SPDYE1: variants seen among roughly 807,000 people sequenced by gnomAD.
SPDYE1 encodes the protein speedy protein E1.
Under a neutral mutation model 45.9 loss-of-function variants are expected in SPDYE1, and 29 were observed. The observed-to-expected ratio is 0.63, with a 90% CI of 0.47 to 0.86. The LOEUF (loss-of-function observed/expected upper bound fraction) is 0.86. SPDYE1 is among the 40% of genes least tolerant of loss of function. The pLI is 0.00. For synonymous variants in SPDYE1, 134 were observed against 176.8 expected, an observed-to-expected ratio of 0.76 and a Z score of 1.92; for missense variants, 346 against 481.4, an observed-to-expected ratio of 0.72 and a Z score of 2.63.
At chr7:44,000,544 A>C (rs1404323550) in intron 2 of SPDYE1, among the ~76,000 whole-genome samples, 25 of 141,808 alleles carry the variant, frequency 1.8e-4, no homozygotes, top group South Asian at 4.6e-4. Flanking sequence ...GTAACCCCAG[A>C]ACTTTGGGAG....
intron 1 of SPDYE1, among the ~76,000 whole-genome samples, chr7:43,998,333 A>T (rs896791566): frequency 9.6e-4 from 146 of 151,454 alleles, no homozygotes; most frequent in Non-Finnish European, 1.5e-3. Context: ...ATTTTTTTTG[A>T]GATGGAGTTT....
At chr7:43,998,494 T>C (rs1206561875) in intron 1 of SPDYE1, among the ~76,000 whole-genome samples, 1 of 149,176 alleles carries the variant, frequency 6.7e-6, no homozygotes, top group Admixed American at 6.8e-5. Context: ...TTTGTATTTT[T>C]AGTAGAGATG....
In SPDYE1 at chr7:44,008,992, C is replaced by T. The variant is rs866652533; in HGVS notation, c.*371C>T. 6.3e-4 allele frequency: 262 copies of T among 414,798 alleles called. No individual in the cohort carries two copies. Among genetic ancestry groups the T allele is most frequent in the African/African-American group, 5.0e-3 (241 of 48,108 alleles). 25.7% of individuals were successfully genotyped at this position (414,798 alleles called of 1,614,324 possible). A position where few individuals can be genotyped will look rare whatever the true frequency, so the allele number is the denominator to read the frequency against. On this transcript the variant is annotated 3_prime_UTR_variant, in exon 9 of 9. Coordinates refer to ENST00000693451, the MANE Select transcript of SPDYE1 (RefSeq NM_001378423.2). ...CGGAACCTGGAGGTCCTGTTTCTTA[C>T]GGACTTGGTTGCCACAGTCCAGGAG...
intron 6 of SPDYE1, among the ~76,000 whole-genome samples, chr7:44,005,977 C>A (rs62458721): frequency 0.1 from 15,559 of 152,036 alleles, 1,002 homozygotes; most frequent in Admixed American, 0.17. Context: ...GGAGTCTCTC[C>A]CCAAGCCAGG....
rs546989425 is a variant in SPDYE1, at chr7:44,007,563, G to A, written c.1048G>A (p.Val350Ile). The change falls in exon 7 of 9, where the codon GTT (valine) becomes ATT (isoleucine). Residue 350 changes from valine to isoleucine, a missense_variant. Transcript: ENST00000693451. ...CTGTTCCATGAGCTGCAGGGCTTGG[G>A]TTTCCCCAGAGGAGTTGGAGGAGGT... is the stretch of plus-strand genomic sequence containing the variant. Reference protein sequence around the residue: ...FFCSMSCRAWVSPEELEEIQA... With the variant: ...FFCSMSCRAWISPEELEEIQA... 7 of 1,613,214 alleles carry A rather than the reference G, an allele frequency of 4.3e-6. No homozygotes were observed. The highest frequency in any genetic ancestry group is 1.1e-5 in the South Asian group (1 of 91,048).
intron 4 of SPDYE1, 118 bp downstream of exon 4, chr7:44,002,935 G>A: frequency 1.7e-6 from 1 of 601,996 alleles, no homozygotes; most frequent in Non-Finnish European, 2.7e-6. Flanking sequence ...TCTCCATGTG[G>A]GAGGAATGTG....
rs2096062327 is a variant in SPDYE1, at chr7:44,001,136, ATC to A, written c.233_234del (p.Ser78Ter). On this transcript the variant is annotated frameshift_variant, in exon 3 of 9. Coordinates refer to ENST00000693451, the MANE Select transcript of SPDYE1 (RefSeq NM_001378423.2). LOFTEE classifies it high-confidence loss of function. ...WKRKREWSDE[S>X]EEEPEKELAP... ...AAAGGAAGAGGGAGTGGTCAGATGA[ATC>A]TGAGGAGGAGCCGGAGAAGGAGCTC... 6.3e-7 allele frequency: 1 copy of A among 1,598,198 alleles called. No homozygotes were observed. The highest frequency in any genetic ancestry group is 1.3e-5 in the African/African-American group (1 of 74,760).
chr7:44,001,480 C>T (rs550102542), intron 3 of SPDYE1, among the ~76,000 whole-genome samples, 196 bp downstream of exon 3: 37 of 152,194 alleles, frequency 2.4e-4, no homozygotes, highest in African/African-American at 7.5e-4. Context: ...TAAAGGTTGG[C>T]GCTTGGGATG....
chr7:44,007,638 G>A (rs1406682409), intron 7 of SPDYE1, 52 bp downstream of exon 7: 7 of 1,611,980 alleles, frequency 4.3e-6, no homozygotes, highest in Middle Eastern at 2.2e-4. Flanking sequence ...GGGTGGGCTG[G>A]AGGCTGGATG....
intron 8 of SPDYE1, among the ~76,000 whole-genome samples, chr7:44,008,151 T>C (rs2128779934): frequency 6.6e-6 from 1 of 152,352 alleles, no homozygotes; most frequent in Middle Eastern, 3.4e-3. Flanking sequence ...GCACTTGAGT[T>C]ACCGATTTGG....
intron 6 of SPDYE1, 188 bp from the exon 7 acceptor site, chr7:44,007,080 G>A: frequency 2.2e-5 from 31 of 1,405,940 alleles, no homozygotes; most frequent in Non-Finnish European, 2.8e-5. Flanking sequence ...CCATCCTGAA[G>A]GAGTGGGAGA....
chr7:43,999,418 CT>C (rs2096059644), intron 1 of SPDYE1, among the ~76,000 whole-genome samples, 109 bp from the exon 2 acceptor site: 2 of 151,568 alleles, frequency 1.3e-5, no homozygotes, highest in African/African-American at 4.9e-5. Flanking sequence ...GATAATCTCA[CT>C]CTTGTACATG....
In SPDYE1 at chr7:43,998,506, G is replaced by C. The variant is rs1453480345; in HGVS notation, c.-423+547G>C. On this transcript the variant is annotated intron_variant, in intron 1 of 8. Transcript: ENST00000693451. ...TTTTTTGTATTTTTAGTAGAGATGG[G>C]GTTTCACCATGTTGTCCAGGCTGGT... Among the ~76,000 whole-genome samples, 11 of 147,220 alleles carry C rather than the reference G, an allele frequency of 7.5e-5. No individual in the cohort carries two copies. The Admixed American group carries it at 7.6e-4, about 10-fold the overall frequency.
chr7:44,001,291 G>A lies in SPDYE1; in HGVS notation c.379+7G>A. 1 of 1,597,410 alleles carries A rather than the reference G, an allele frequency of 6.3e-7. No individual in the cohort carries two copies. The highest frequency in any genetic ancestry group is 8.5e-7 in the Non-Finnish European group (1 of 1,179,852). On this transcript the variant is annotated splice_region_variant and intron_variant, in intron 3 of 8. Transcript: ENST00000693451. Reference sequence around the variant, plus strand: ...GACTTCAACAGTCAGCTTGGTAGGAGGACACCCCAGAGAGCACCTCCAATC... The same window carrying A: ...GACTTCAACAGTCAGCTTGGTAGGAAGACACCCCAGAGAGCACCTCCAATC...
intron 1 of SPDYE1, among the ~76,000 whole-genome samples, chr7:43,998,212 G>A (rs2096058058): frequency 6.6e-6 from 1 of 152,102 alleles, no homozygotes; most frequent in Non-Finnish European, 1.5e-5. Flanking sequence ...GACTTCCACA[G>A]CAATGGGATC....
At position 44,002,825 on chromosome 7, in the gene SPDYE1, G is replaced by A. The variant is rs1304508671; in HGVS notation, c.607+8G>A. 1 of 1,432,100 alleles carries A rather than the reference G, an allele frequency of 7.0e-7. No individual in the cohort carries two copies. The highest frequency in any genetic ancestry group is 1.2e-5 in the South Asian group (1 of 83,862). 88.7% of individuals were successfully genotyped at this position (1,432,100 alleles called of 1,614,324 possible). A position where few individuals can be genotyped will look rare whatever the true frequency, so the allele number is the denominator to read the frequency against. On this transcript the variant is annotated splice_region_variant and intron_variant, in intron 4 of 8. Coordinates refer to ENST00000693451, the MANE Select transcript of SPDYE1 (RefSeq NM_001378423.2). ...CCTTCAACAGGCTGCTTGGTAGGAG[G>A]ACACCCCAGAGAGCACCTCCAATCC...
intron 2 of SPDYE1, among the ~76,000 whole-genome samples, chr7:44,000,613 G>A (rs1482586128): frequency 2.6e-5 from 4 of 151,286 alleles, no homozygotes; most frequent in African/African-American, 7.3e-5. Flanking sequence ...CCAACATGGT[G>A]AAACCCTGTC....
intron 1 of SPDYE1, among the ~76,000 whole-genome samples, 127 bp from the exon 2 acceptor site, chr7:43,999,401 T>C (rs2096059614): frequency 6.6e-6 from 1 of 151,210 alleles, no homozygotes; most frequent in African/African-American, 2.4e-5. Flanking sequence ...TGGGATCTCT[T>C]GTACATGATA....
intron 6 of SPDYE1, among the ~76,000 whole-genome samples, chr7:44,006,989 G>T (rs966329469): frequency 3.3e-5 from 5 of 152,200 alleles, no homozygotes; most frequent in African/African-American, 1.2e-4. Flanking sequence ...GGCCTCAAGT[G>T]ATCCTCCTGC....
Sources: allele counts gnomAD v4.1 joint callset (sites outside exome capture counted in the v4.1 genomes callset), GRCh38; gene constraint gnomAD v4.1.1; transcripts MANE v1.5; gene names NCBI Gene and HGNC (gene_info 2026-07-23, HGNC 2026-07-21).